Variants in PRORP observed in about 807,000 individuals in gnomAD.
PRORP encodes the protein protein only RNase P catalytic subunit.
In PRORP, 51 loss-of-function variants were observed where a neutral mutation model predicts 59.4. The observed-to-expected ratio is 0.86, with a 90% CI of 0.69 to 1.08. PRORP has a LOEUF of 1.08. PRORP is among the 50% of genes least tolerant of loss of function. PRORP has a pLI of 0.00. For missense variants in PRORP, 646 were observed against 690.3 expected (o/e 0.94, Z 0.72); for synonymous variants, 231 against 245.6 (o/e 0.94, Z 0.55).
intron 6 of PRORP, among the ~76,000 whole-genome samples, chr14:35,268,300 G>A (rs1342996558): frequency 2.1e-5 from 3 of 145,872 alleles, no homozygotes; most frequent in East Asian, 2.0e-4. Context: ...AGCCAAGATC[G>A]TGCCACTGCA....
intron 5 of PRORP, among the ~76,000 whole-genome samples, chr14:35,246,011 A>G (rs1215453329): frequency 1.3e-5 from 2 of 152,172 alleles, no homozygotes; most frequent in African/African-American, 4.8e-5. Context: ...AAATAATATT[A>G]TTTCAGAATT....
intron 5 of PRORP, among the ~76,000 whole-genome samples, chr14:35,219,578 G>T (rs950869427): frequency 1.3e-5 from 2 of 152,192 alleles, no homozygotes; most frequent in Non-Finnish European, 2.9e-5. Context: ...ATTTGGATTT[G>T]CTGTCATTCT....
chr14:35,247,711 A>G (rs1217179139), intron 5 of PRORP, among the ~76,000 whole-genome samples: 1 of 152,176 alleles, frequency 6.6e-6, no homozygotes, highest in African/African-American at 2.4e-5. Context: ...AAATTTTGAT[A>G]TTTCCATATC....
rs1176261168 is a variant in PRORP, at chr14:35,266,812, A to C, written c.1361A>C (p.Gln454Pro). 6.2e-7 allele frequency: 1 copy of C among 1,614,192 alleles called. No homozygotes were observed. Among genetic ancestry groups the C allele is most frequent in the Non-Finnish European group, 8.5e-7 (1 of 1,180,020 alleles). The change falls in exon 6 of 8, where the codon CAG (glutamine) becomes CCG (proline). Residue 454 changes from glutamine to proline, a missense_variant. Gln to Pro is a moderately conservative substitution (Grantham distance 76). Transcript: ENST00000534898. ...AAGCACATGCTAAGACGGAGTTCCC[A>C]GTGGAGTCGGGATGAGATGGAAGAG... ...GRKHMLRRSS[Q>P]WSRDEMEEVQ...
At position 35,274,821 on chromosome 14, in the gene PRORP, A is replaced by G. The variant is rs1267836633; in HGVS notation, c.*1255A>G. 2.6e-5 allele frequency: 4 copies of G among 152,146 alleles called. No individual in the cohort carries two copies. The highest frequency in any genetic ancestry group is 4.8e-5 in the African/African-American group (2 of 41,440). 9.4% of individuals were successfully genotyped at this position (152,146 alleles called of 1,614,324 possible). ...TATGTGGGCTTTCTAAAATATGCCA[A>G]TTTTTTTCCACTTAATCAAGTTTGA... On this transcript the variant is annotated 3_prime_UTR_variant, in exon 8 of 8. Transcript: ENST00000534898.
chr14:35,259,965 C>T (rs1354168660), intron 5 of PRORP, among the ~76,000 whole-genome samples: 1 of 146,078 alleles, frequency 6.8e-6, no homozygotes, highest in Non-Finnish European at 1.5e-5. Flanking sequence ...TTTTAGTGAT[C>T]ACTGCAGGTG....
intron 5 of PRORP, among the ~76,000 whole-genome samples, chr14:35,202,680 A>T (rs1462973059): frequency 6.6e-6 from 1 of 151,966 alleles, no homozygotes; most frequent in Non-Finnish European, 1.5e-5. Context: ...CCCAGGCTGG[A>T]GTATAGTGGC....
At chr14:35,151,107 C>A (rs1320730689) in intron 4 of PRORP, among the ~76,000 whole-genome samples, 2 of 152,074 alleles carry the variant, frequency 1.3e-5, no homozygotes, top group Non-Finnish European at 2.9e-5. Context: ...TCTTTATAAT[C>A]ATCTACTAAG....
At chr14:35,189,416 A>G (rs754765339) in intron 5 of PRORP, among the ~76,000 whole-genome samples, 8 of 150,568 alleles carry the variant, frequency 5.3e-5, no homozygotes, top group Non-Finnish European at 1.0e-4. Context: ...TTTCAGAAAA[A>G]GAAAAATTCT....
chr14:35,247,319 T>C (rs2050510638), intron 5 of PRORP, among the ~76,000 whole-genome samples: 1 of 152,196 alleles, frequency 6.6e-6, no homozygotes, highest in African/African-American at 2.4e-5. Flanking sequence ...CCTTCCTCCC[T>C]TCCTTTCTCT....
At chr14:35,244,731 T>C (rs1260377868) in intron 5 of PRORP, among the ~76,000 whole-genome samples, 1 of 152,228 alleles carries the variant, frequency 6.6e-6, no homozygotes, top group Non-Finnish European at 1.5e-5. Flanking sequence ...TACCCACCAG[T>C]TGGGTTAAGA....
At chr14:35,187,585 G>C (rs1349057126) in intron 5 of PRORP, among the ~76,000 whole-genome samples, 1 of 151,766 alleles carries the variant, frequency 6.6e-6, no homozygotes, top group Non-Finnish European at 1.5e-5. Flanking sequence ...ACCATGCCTG[G>C]CTAATTTTTT....
intron 4 of PRORP, among the ~76,000 whole-genome samples, chr14:35,127,889 AT>A (rs2047137440): frequency 1.3e-5 from 2 of 152,182 alleles, no homozygotes; most frequent in Admixed American, 6.6e-5. Flanking sequence ...TTGCTTTAGA[AT>A]TTCGTAGAAT....
intron 4 of PRORP, among the ~76,000 whole-genome samples, chr14:35,152,532 C>A (rs535261611): frequency 1.3e-5 from 2 of 151,570 alleles, no homozygotes; most frequent in African/African-American, 2.4e-5. Context: ...TCCCACCTCC[C>A]GGATGGGGCA....
At chr14:35,188,961 A>AAAAAAAAAAAAAAGAAAG (rs1555326788) in intron 5 of PRORP, among the ~76,000 whole-genome samples, 1 of 132,774 alleles carries the variant, frequency 7.5e-6, no homozygotes, top group Non-Finnish European at 1.6e-5. Context: ...AAAAAAAAAA[A>AAAAAAAAAAAAAAGAAAG]AAAGTATTGC....
In PRORP at chr14:35,233,974, A is replaced by G. The variant is rs528254511; in HGVS notation, c.1276-32753A>G. Among the ~76,000 whole-genome samples the G allele has an allele frequency of 3.9e-5, 6 of 152,332 alleles. No homozygotes were observed. The East Asian group carries it at 1.2e-3, about 29-fold the overall frequency. On this transcript the variant is annotated intron_variant, in intron 5 of 7. Coordinates refer to ENST00000534898, the MANE Select transcript of PRORP (RefSeq NM_014672.4). ...CTTCGTGACTCTGCTCAGTCCTCTT[A>G]AGTTTGTTAAAGCTCAGGCTTTCCT... is the stretch of plus-strand genomic sequence containing the variant.
intron 5 of PRORP, among the ~76,000 whole-genome samples, chr14:35,206,628 T>TATA (rs1323086066): frequency 1.3e-5 from 2 of 152,208 alleles, no homozygotes; most frequent in African/African-American, 4.8e-5. Flanking sequence ...ACCATAAGTC[T>TATA]ATAGACTAGC....
chr14:35,122,624 T>C lies in PRORP; in HGVS notation c.-306T>C, dbSNP rs2046954558. 1 of 154,542 alleles carries C rather than the reference T, an allele frequency of 6.5e-6. No homozygotes were observed. Among genetic ancestry groups the C allele is most frequent in the East Asian group, 1.9e-4 (1 of 5,222 alleles). 9.6% of individuals were successfully genotyped at this position (154,542 alleles called of 1,614,324 possible). On this transcript the variant is annotated 5_prime_UTR_variant, in exon 1 of 8. Coordinates refer to ENST00000534898, the MANE Select transcript of PRORP (RefSeq NM_014672.4). ...GTTGTTGAATGAAGTGAACTTCATT[T>C]GTCAGCGTTCGGTACGCAGTCTAGG... is the stretch of plus-strand genomic sequence containing the variant.
At position 35,273,827 on chromosome 14, in the gene PRORP, G is replaced by A. The variant is rs1350006454; in HGVS notation, c.*261G>A. On this transcript the variant is annotated 3_prime_UTR_variant, in exon 8 of 8. Transcript: ENST00000534898. ...GAGCAAAACCTGCATTTCTCCTACT[G>A]GGCCAGCTATTCCACTTAGCTTGGG... 4.0e-6 allele frequency: 1 copy of A among 247,574 alleles called. No homozygotes were observed. Among genetic ancestry groups the A allele is most frequent in the East Asian group, 8.8e-5 (1 of 11,390 alleles). 15.3% of individuals were successfully genotyped at this position (247,574 alleles called of 1,614,324 possible). A position where few individuals can be genotyped will look rare whatever the true frequency, so the allele number is the denominator to read the frequency against.
Sources: gnomAD v4.1 joint callset for allele counts (sites outside exome capture counted in the v4.1 genomes callset) on GRCh38, gnomAD v4.1.1 for gene constraint, MANE v1.5 for transcripts, NCBI Gene and HGNC (gene_info 2026-07-23, HGNC 2026-07-21) for gene names.